Variants in TAS2R1 observed in about 807,000 individuals in gnomAD.
TAS2R1 encodes taste receptor type 2 member 1.
For missense variants in TAS2R1, 370 were observed against 353.4 expected, an observed-to-expected ratio of 1.05 and a Z score of -0.38; for synonymous variants, 141 against 134.2, an observed-to-expected ratio of 1.05 and a Z score of -0.35.
chr5:9,645,179 T>C (rs1393164421), intron 2 of TAS2R1, among the ~76,000 whole-genome samples: 1 of 152,186 alleles, frequency 6.6e-6, no homozygotes, highest in Non-Finnish European at 1.5e-5. Context: ...AATCATTTAG[T>C]GCTTACAACG....
At chr5:9,846,687 A>G in the TAS2R1 span, among the ~76,000 whole-genome samples, 1 of 152,116 alleles carries the variant, frequency 6.6e-6, no homozygotes, top group Non-Finnish European at 1.5e-5. Flanking sequence ...CACATTGCAC[A>G]CACACACACA....
chr5:9,864,587 C>T, the TAS2R1 span, among the ~76,000 whole-genome samples: 5 of 150,754 alleles, frequency 3.3e-5, no homozygotes, highest in Admixed American at 6.6e-5. Context: ...GAGCCAAGAT[C>T]GCGCCACTTC....
At chr5:9,716,341 T>C (rs1369285462), upstream of TAS2R1, among the ~76,000 whole-genome samples, 1 of 152,102 alleles carries the variant, frequency 6.6e-6, no homozygotes, top group African/African-American at 2.4e-5. Flanking sequence ...CCTGTTTCCC[T>C]TTTTTCCCTT....
the TAS2R1 span, among the ~76,000 whole-genome samples, chr5:9,773,305 C>G: frequency 4.5e-3 from 680 of 152,130 alleles, 4 homozygotes; most frequent in African/African-American, 0.015. Context: ...AAATGCTACA[C>G]TTTAACTTCA....
chr5:9,754,207 AC>A, the TAS2R1 span, among the ~76,000 whole-genome samples: 2 of 152,080 alleles, frequency 1.3e-5, no homozygotes, highest in Non-Finnish European at 2.9e-5. Context: ...AAATTCAACA[AC>A]CCTTCATGCT....
At chr5:9,669,189 G>A (rs1740702453) in intron 1 of TAS2R1, among the ~76,000 whole-genome samples, 1 of 152,132 alleles carries the variant, frequency 6.6e-6, no homozygotes. Flanking sequence ...GAATGGTAAA[G>A]GGTTCAATCC....
the TAS2R1 span, among the ~76,000 whole-genome samples, chr5:9,797,363 C>T: frequency 6.6e-6 from 1 of 152,160 alleles, no homozygotes; most frequent in Non-Finnish European, 1.5e-5. Context: ...AGGGTCCTCT[C>T]AGAGGCTGCT....
chr5:9,837,837 G>T, the TAS2R1 span, among the ~76,000 whole-genome samples: 2 of 152,202 alleles, frequency 1.3e-5, no homozygotes, highest in Non-Finnish European at 2.9e-5. Flanking sequence ...TGTCTTGTTT[G>T]TTGCTATGGG....
intron 1 of TAS2R1, among the ~76,000 whole-genome samples, chr5:9,662,845 G>A (rs534504974): frequency 6.6e-6 from 1 of 152,296 alleles, no homozygotes; most frequent in Admixed American, 6.5e-5. Context: ...CAGAGATAAT[G>A]ATATAAATAG....
intron 2 of TAS2R1, chr5:9,658,490 G>C (rs1740461075): frequency 1.3e-5 from 2 of 152,190 alleles, no homozygotes; most frequent in Admixed American, 1.3e-4. Flanking sequence ...TAGGGCCCGT[G>C]AATGTGCCTC....
At chr5:9,809,368 CCAATG>C in the TAS2R1 span, among the ~76,000 whole-genome samples, 1 of 152,078 alleles carries the variant, frequency 6.6e-6, no homozygotes. Context: ...GGCTGAACTT[CCAATG>C]TGATGGTATT....
At chr5:9,887,055 T>C in the TAS2R1 span, among the ~76,000 whole-genome samples, 12 of 152,162 alleles carry the variant, frequency 7.9e-5, no homozygotes, top group African/African-American at 2.7e-4. Context: ...TAAAAAATAA[T>C]ATGTGTAGTC....
At chr5:9,654,791 C>T (rs1252111219) in intron 2 of TAS2R1, among the ~76,000 whole-genome samples, 1 of 152,100 alleles carries the variant, frequency 6.6e-6, no homozygotes, top group African/African-American at 2.4e-5. Flanking sequence ...TAAAAACTTC[C>T]ATTCCTTACT....
intron 1 of TAS2R1, among the ~76,000 whole-genome samples, chr5:9,708,278 T>C (rs1221588942): frequency 6.6e-6 from 1 of 152,206 alleles, no homozygotes; most frequent in South Asian, 2.1e-4. Flanking sequence ...ACTGTCACTT[T>C]CTTTTGGTTC....
At chr5:9,856,526 C>A in the TAS2R1 span, among the ~76,000 whole-genome samples, 1 of 152,078 alleles carries the variant, frequency 6.6e-6, no homozygotes, top group African/African-American at 2.4e-5. Context: ...GTGTTCCTAC[C>A]AAATTATAGA....
the TAS2R1 span, among the ~76,000 whole-genome samples, chr5:9,859,412 G>A: frequency 6.6e-6 from 1 of 152,222 alleles, no homozygotes; most frequent in African/African-American, 2.4e-5. Context: ...ACCACACTTT[G>A]TTTTTCATAG....
At chr5:9,638,085 C>T (rs1739998763) in intron 2 of TAS2R1, among the ~76,000 whole-genome samples, 1 of 152,188 alleles carries the variant, frequency 6.6e-6, no homozygotes, top group African/African-American at 2.4e-5. Context: ...TCAAGGCCTG[C>T]TGTTAAGATT....
chr5:9,900,734 C>A, the TAS2R1 span, among the ~76,000 whole-genome samples: 1 of 151,514 alleles, frequency 6.6e-6, no homozygotes, highest in Non-Finnish European at 1.5e-5. Flanking sequence ...CATTCTCCTG[C>A]CTCAGCCTCC....
chr5:9,745,342 C>T, the TAS2R1 span, among the ~76,000 whole-genome samples: 1 of 151,918 alleles, frequency 6.6e-6, no homozygotes, highest in Admixed American at 6.6e-5. Flanking sequence ...TATGGTTGGA[C>T]ATAATATAAT....
Sources: gnomAD v4.1 joint callset for allele counts (sites outside exome capture counted in the v4.1 genomes callset) on GRCh38, gnomAD v4.1.1 for gene constraint, MANE v1.5 for transcripts, NCBI Gene and HGNC (gene_info 2026-07-23, HGNC 2026-07-21) for gene names.